Variants in RUNX2 observed in about 807,000 individuals in gnomAD.
The protein encoded by RUNX2 is runt-related transcription factor 2.
RUNX2 carries 10 observed loss-of-function variants against 51.7 expected under a neutral mutation model. The ratio of observed to expected loss-of-function variants is 0.19; its 90% CI spans 0.12 to 0.33. The LOEUF is 0.33. RUNX2 is among the 10% of genes least tolerant of loss of function. RUNX2 has a pLI of 1.00. For missense variants in RUNX2, 562 were observed against 691.3 expected (o/e 0.81, Z 2.10); for synonymous variants, 276 against 273.6 (o/e 1.01, Z -0.09).
At chr6:45,466,746 G>C (rs1799640472) in intron 5 of RUNX2, among the ~76,000 whole-genome samples, 1 of 152,150 alleles carries the variant, frequency 6.6e-6, no homozygotes, top group Non-Finnish European at 1.5e-5. Context: ...ATTTTTGTTA[G>C]GAATGCTTCA....
intron 6 of RUNX2, among the ~76,000 whole-genome samples, chr6:45,501,230 T>A (rs944393194): frequency 1.3e-5 from 2 of 152,232 alleles, no homozygotes; most frequent in South Asian, 4.1e-4. Context: ...ATTCTGTTAA[T>A]ATATCCCAAG....
chr6:45,523,930 C>G (rs1801587300), intron 7 of RUNX2, among the ~76,000 whole-genome samples: 1 of 144,306 alleles, frequency 6.9e-6, no homozygotes, highest in Non-Finnish European at 1.5e-5. Flanking sequence ...GACTGCATCT[C>G]AAAAAAAAAC....
chr6:45,440,762 C>T (rs1378429592), intron 5 of RUNX2, among the ~76,000 whole-genome samples: 2 of 152,112 alleles, frequency 1.3e-5, no homozygotes, highest in East Asian at 3.9e-4. Context: ...CTTATGCACA[C>T]AGTTTGAAGA....
At chr6:45,525,964 C>T (rs966734696) in intron 7 of RUNX2, among the ~76,000 whole-genome samples, 1 of 151,872 alleles carries the variant, frequency 6.6e-6, no homozygotes, top group African/African-American at 2.4e-5. Flanking sequence ...TGCACCCCAG[C>T]CTGGGTGACA....
intron 3 of RUNX2, among the ~76,000 whole-genome samples, chr6:45,424,627 C>T (rs1280821187): frequency 6.6e-6 from 1 of 152,088 alleles, no homozygotes; most frequent in Non-Finnish European, 1.5e-5. Flanking sequence ...TGACAGTTCC[C>T]AGTTGTTGAT....
At chr6:45,465,802 A>ATT (rs36066562) in intron 5 of RUNX2, among the ~76,000 whole-genome samples, 1 of 139,480 alleles carries the variant, frequency 7.2e-6, no homozygotes, top group Non-Finnish European at 1.6e-5. Flanking sequence ...CGCCTGGCTA[A>ATT]TTTTTTTTTT....
chr6:45,463,682 C>T (rs1582138342), intron 5 of RUNX2, among the ~76,000 whole-genome samples: 3 of 151,872 alleles, frequency 2.0e-5, no homozygotes. Flanking sequence ...CTTTTTCTTT[C>T]AGTTTACTTT....
chr6:45,392,555 T>A (rs1362704130), intron 2 of RUNX2, among the ~76,000 whole-genome samples: 1 of 152,142 alleles, frequency 6.6e-6, no homozygotes, highest in Non-Finnish European at 1.5e-5. Flanking sequence ...AAGGGAAAAC[T>A]AATTAGGCTG....
chr6:45,477,930 A>T (rs186425068), intron 5 of RUNX2, among the ~76,000 whole-genome samples: 5 of 151,690 alleles, frequency 3.3e-5, no homozygotes, highest in Admixed American at 3.3e-4. Flanking sequence ...GCTCTGCCCA[A>T]CTGCCTTCCA....
intron 5 of RUNX2, among the ~76,000 whole-genome samples, chr6:45,485,695 G>GTATATATATATATATATATATATA (rs1389655363): frequency 0.01 from 1,066 of 106,234 alleles, 20 homozygotes; most frequent in Non-Finnish European, 0.014. Flanking sequence ...GTGTGTGTGT[G>GTATATATATATATATATATATATA]TGTATATATA....
In RUNX2 at chr6:45,546,724, T is replaced by A; in HGVS notation, c.1088-103T>A. On this transcript the variant is annotated intron_variant, in intron 8 of 8. Transcript: ENST00000647337. The stretch of plus-strand genomic sequence containing the variant: ...CTGTCTGTGGCTTGCTGTTCCTTTA[T>A]GGGAAAGCTAAAGTTTTCTCTTTTT... The A allele has an allele frequency of 3.9e-6, 4 of 1,036,082 alleles. No homozygotes were observed. The East Asian group carries it at 9.9e-5, about 26-fold the overall frequency. 64.2% of individuals were successfully genotyped at this position (1,036,082 alleles called of 1,614,324 possible).
intron 2 of RUNX2, among the ~76,000 whole-genome samples, chr6:45,413,937 G>A (rs1250047014): frequency 6.6e-6 from 1 of 152,054 alleles, no homozygotes; most frequent in East Asian, 1.9e-4. Context: ...AAAACTTAAG[G>A]GAGTTCCAAA....
chr6:45,486,194 T>G (rs943568231), intron 5 of RUNX2, among the ~76,000 whole-genome samples: 4 of 152,188 alleles, frequency 2.6e-5, no homozygotes, highest in African/African-American at 9.6e-5. Flanking sequence ...TCAGATTTTC[T>G]CAATTGATCC....
At chr6:45,367,642 A>T (rs1167545189) in intron 2 of RUNX2, among the ~76,000 whole-genome samples, 2 of 152,192 alleles carry the variant, frequency 1.3e-5, no homozygotes, top group Non-Finnish European at 2.9e-5. Flanking sequence ...TGTTAAACTC[A>T]AAGAGTAAGT....
chr6:45,457,492 T>C (rs1799348900), intron 5 of RUNX2, among the ~76,000 whole-genome samples: 1 of 151,606 alleles, frequency 6.6e-6, no homozygotes, highest in Admixed American at 6.6e-5. Flanking sequence ...ACATGAAAGA[T>C]GAGAGGATGT....
At chr6:45,370,693 T>C (rs957283383) in intron 2 of RUNX2, among the ~76,000 whole-genome samples, 4 of 152,106 alleles carry the variant, frequency 2.6e-5, no homozygotes, top group African/African-American at 9.7e-5. Context: ...AAACACCCTG[T>C]AAACATGAAA....
intron 2 of RUNX2, among the ~76,000 whole-genome samples, chr6:45,355,496 A>T (rs534267367): frequency 6.6e-6 from 1 of 152,164 alleles, no homozygotes; most frequent in South Asian, 2.1e-4. Context: ...TATAAAATCC[A>T]CCAATACAGA....
At chr6:45,371,602 A>G (rs2150311535) in intron 2 of RUNX2, among the ~76,000 whole-genome samples, 1 of 152,316 alleles carries the variant, frequency 6.6e-6, no homozygotes, top group Non-Finnish European at 1.5e-5. Context: ...TTCATTAGTA[A>G]AAGATCTCTA....
At chr6:45,420,235 C>T (rs1052646067) in intron 2 of RUNX2, among the ~76,000 whole-genome samples, 3 of 152,164 alleles carry the variant, frequency 2.0e-5, no homozygotes, top group Non-Finnish European at 4.4e-5. Context: ...CCCCCAAGCT[C>T]ATCTTGTACT....
Sources: allele counts gnomAD v4.1 joint callset (sites outside exome capture counted in the v4.1 genomes callset), GRCh38; gene constraint gnomAD v4.1.1; transcripts MANE v1.5; gene names NCBI Gene and HGNC (gene_info 2026-07-23, HGNC 2026-07-21).